MSH3: variants seen among roughly 807,000 people sequenced by gnomAD.
The protein encoded by MSH3 is mutS homolog 3, also known as DNA mismatch repair protein Msh3.
In MSH3, 106 loss-of-function variants were observed where a neutral mutation model predicts 123.3. The ratio of observed to expected loss-of-function variants is 0.86; its 90% CI spans 0.73 to 1.01. MSH3 has a LOEUF of 1.01. Ranked by LOEUF, MSH3 falls within the 50% of genes least tolerant of loss-of-function variation. The pLI, the probability that MSH3 is intolerant of heterozygous loss-of-function variation, is 0.00. For synonymous variants in MSH3, 515 were observed against 481.4 expected (o/e 1.07, Z -0.91); for missense variants, 1,459 against 1,347.6 (o/e 1.08, Z -1.29).
chr5:80,767,130 A>G (rs900202023), intron 13 of MSH3, among the ~76,000 whole-genome samples: 2 of 152,156 alleles, frequency 1.3e-5, no homozygotes, highest in Non-Finnish European at 2.9e-5. Context: ...TAAGATCCCA[A>G]TTGATGGACA....
intron 22 of MSH3, among the ~76,000 whole-genome samples, chr5:80,871,104 G>T (rs949033986): frequency 4.9e-4 from 74 of 152,074 alleles, no homozygotes; most frequent in African/African-American, 1.8e-3. Flanking sequence ...GGTCCTCTAG[G>T]AGGCAGATTC....
chr5:80,828,457 A>T (rs756002728), intron 20 of MSH3, among the ~76,000 whole-genome samples: 2 of 152,208 alleles, frequency 1.3e-5, no homozygotes, highest in East Asian at 1.9e-4. Flanking sequence ...AGAGGGGACA[A>T]ACATTCAAAC....
chr5:80,672,121 C>A lies in MSH3; in HGVS notation c.793-123C>A. On this transcript the variant is annotated intron_variant, in intron 4 of 23. Transcript: ENST00000265081. ...TTAAACTTTTTATTGACATAGTACA[C>A]ATTTAGATTAAGTGTACAAATCCTA... is the stretch of plus-strand genomic sequence containing the variant. 4.0e-6 allele frequency: 3 copies of A among 749,034 alleles called. No homozygotes were observed. In the Admixed American group the frequency reaches 6.7e-5, roughly 17 times the overall value. The allele number at this position is 749,034 out of a possible 1,614,324, so 46.4% of individuals were successfully genotyped here.
chr5:80,785,679 G>A (rs892277232), intron 17 of MSH3, among the ~76,000 whole-genome samples: 1 of 152,088 alleles, frequency 6.6e-6, no homozygotes, highest in African/African-American at 2.4e-5. Flanking sequence ...CTGCTATAAA[G>A]ACACATGCAC....
At chr5:80,747,587 C>T (rs1170561668) in intron 12 of MSH3, among the ~76,000 whole-genome samples, 1 of 152,186 alleles carries the variant, frequency 6.6e-6, no homozygotes, top group East Asian at 1.9e-4. Flanking sequence ...TTTAATGGCA[C>T]TTGCAACGTA....
At chr5:80,730,530 A>G (rs1743391638) in intron 10 of MSH3, among the ~76,000 whole-genome samples, 1 of 152,132 alleles carries the variant, frequency 6.6e-6, no homozygotes, top group South Asian at 2.1e-4. Context: ...AGTGTGGCCA[A>G]AATGTTTTAT....
intron 19 of MSH3, among the ~76,000 whole-genome samples, chr5:80,806,854 C>T (rs1008046178): frequency 2.0e-5 from 3 of 151,978 alleles, no homozygotes; most frequent in African/African-American, 7.3e-5. Context: ...TGAATATGTC[C>T]CTCCATGAAA....
chr5:80,816,401 A>G (rs1745103066), intron 20 of MSH3, among the ~76,000 whole-genome samples: 2 of 152,218 alleles, frequency 1.3e-5, no homozygotes, highest in Admixed American at 1.3e-4. Flanking sequence ...TTTCAGAGAG[A>G]GCATGTGCAA....
intron 2 of MSH3, among the ~76,000 whole-genome samples, chr5:80,661,632 A>G (rs1458558265): frequency 6.6e-6 from 1 of 151,912 alleles, no homozygotes; most frequent in African/African-American, 2.4e-5. Context: ...TATAAATTGT[A>G]TTTTCTTGTT....
intron 13 of MSH3, among the ~76,000 whole-genome samples, chr5:80,762,202 C>G (rs1423958369): frequency 6.6e-6 from 1 of 151,654 alleles, no homozygotes; most frequent in Non-Finnish European, 1.5e-5. Context: ...AGTCATTTTC[C>G]ACGGTTAGGG....
intron 10 of MSH3, among the ~76,000 whole-genome samples, chr5:80,740,652 G>A (rs972629825): frequency 3.3e-5 from 5 of 151,354 alleles, no homozygotes; most frequent in Non-Finnish European, 7.4e-5. Context: ...GAGCCACTGT[G>A]CCTGGCCGCA....
intron 2 of MSH3, among the ~76,000 whole-genome samples, chr5:80,658,338 C>G (rs886071555): frequency 5.9e-5 from 9 of 152,098 alleles, no homozygotes; most frequent in Non-Finnish European, 1.3e-4. Flanking sequence ...GGATTACAGG[C>G]GTGAGCCACT....
chr5:80,784,048 A>G (rs1381179436), intron 17 of MSH3, among the ~76,000 whole-genome samples: 2 of 151,748 alleles, frequency 1.3e-5, no homozygotes, highest in African/African-American at 4.8e-5. Flanking sequence ...CGTCTCTACT[A>G]AAAGTACAAA....
At chr5:80,835,751 C>T (rs1403168144) in intron 20 of MSH3, among the ~76,000 whole-genome samples, 1 of 151,998 alleles carries the variant, frequency 6.6e-6, no homozygotes, top group Non-Finnish European at 1.5e-5. Flanking sequence ...CCTGTCTCTA[C>T]TAAAAATACA....
At chr5:80,656,383 A>C (rs764674495) in intron 1 of MSH3, 28 bp from the exon 2 acceptor site, 2 of 1,613,746 alleles carry the variant, frequency 1.2e-6, no homozygotes, top group Admixed American at 1.7e-5. Flanking sequence ...TAGAGATAAC[A>C]CATCATTTTC....
intron 2 of MSH3, among the ~76,000 whole-genome samples, chr5:80,661,078 T>C (rs1749424360): frequency 6.6e-6 from 1 of 152,232 alleles, no homozygotes; most frequent in Non-Finnish European, 1.5e-5. Context: ...ATTACAGGCA[T>C]GAGCCACCGT....
chr5:80,845,273 G>T lies in MSH3; in HGVS notation c.2814-8857G>T, dbSNP rs377306650. Among the ~76,000 whole-genome samples, 18 of 152,342 alleles carry T rather than the reference G, an allele frequency of 1.2e-4. No homozygotes were observed. The East Asian group carries it at 2.3e-3, about 20-fold the overall frequency. The stretch of plus-strand genomic sequence containing the variant: ...TGTGGTTTCTGCCAAGAGATCCACT[G>T]TTAGTCTGATGGGCTTCCCTTTGTG... On this transcript the variant is annotated intron_variant, in intron 20 of 23. Coordinates refer to ENST00000265081, the MANE Select transcript of MSH3 (RefSeq NM_002439.5).
In MSH3 at chr5:80,670,080, C is replaced by G; in HGVS notation, c.580-17C>G. 6.2e-7 allele frequency: 1 copy of G among 1,610,742 alleles called. No individual in the cohort carries two copies. The highest frequency in any genetic ancestry group is 1.3e-5 in the African/African-American group (1 of 74,960). On this transcript the variant is annotated splice_polypyrimidine_tract_variant and intron_variant, in intron 3 of 23. Transcript: ENST00000265081. Reference sequence around the variant, plus strand: ...TGGTTAATATTTTTAAAACTTTATACATCTTTTGGTTGCCAGGACACAACA... The same window carrying G: ...TGGTTAATATTTTTAAAACTTTATAGATCTTTTGGTTGCCAGGACACAACA...
intron 19 of MSH3, among the ~76,000 whole-genome samples, chr5:80,812,283 C>T (rs1319895015): frequency 6.6e-6 from 1 of 152,054 alleles, no homozygotes; most frequent in African/African-American, 2.4e-5. Context: ...ACTTTGATAC[C>T]CAGTTGTTTG....
Sources: gnomAD v4.1 joint callset for allele counts (sites outside exome capture counted in the v4.1 genomes callset) on GRCh38, gnomAD v4.1.1 for gene constraint, MANE v1.5 for transcripts, NCBI Gene and HGNC (gene_info 2026-07-23, HGNC 2026-07-21) for gene names.